Variants in FSTL5 observed in about 807,000 individuals in gnomAD.
FSTL5 encodes the protein follistatin like 5, also known as follistatin-related protein 5.
FSTL5 carries 62 observed loss-of-function variants against 89.1 expected under a neutral mutation model. The observed-to-expected ratio is 0.70, with a 90% CI of 0.57 to 0.86. The LOEUF is 0.86. Among genes scored for constraint, FSTL5 ranks in the 40% least tolerant of loss-of-function variants. The probability of loss-of-function intolerance (pLI) is 0.00; values close to 1 mark genes in which losing one functional copy is unlikely to be tolerated. For synonymous variants in FSTL5, 383 were observed against 346.2 expected (o/e 1.11, Z -1.18); for missense variants, 1,057 against 1,001.6 (o/e 1.06, Z -0.75).
chr4:161,503,565 C>G (rs563198547), intron 11 of FSTL5, among the ~76,000 whole-genome samples: 1 of 152,010 alleles, frequency 6.6e-6, no homozygotes, highest in East Asian at 1.9e-4. Context: ...AACAAATATT[C>G]TATTACATTA....
At chr4:161,474,310 A>C (rs1353212588) in intron 13 of FSTL5, among the ~76,000 whole-genome samples, 3 of 152,310 alleles carry the variant, frequency 2.0e-5, no homozygotes, top group Admixed American at 2.0e-4. Context: ...TAATTATTTT[A>C]AACGCATTAT....
intron 4 of FSTL5, among the ~76,000 whole-genome samples, chr4:161,887,583 A>T (rs17041718): frequency 0.011 from 1,687 of 152,186 alleles, 37 homozygotes; most frequent in African/African-American, 0.039. Flanking sequence ...CCTTAATGGT[A>T]CCTTTAGCAT....
At chr4:161,719,319 A>G (rs1739110302) in intron 6 of FSTL5, among the ~76,000 whole-genome samples, 1 of 152,148 alleles carries the variant, frequency 6.6e-6, no homozygotes, top group Admixed American at 6.5e-5. Context: ...GTTTATTCCA[A>G]GACTATACTG....
intron 5 of FSTL5, among the ~76,000 whole-genome samples, chr4:161,774,455 C>T (rs1400685402): frequency 6.6e-6 from 1 of 152,118 alleles, no homozygotes; most frequent in African/African-American, 2.4e-5. Context: ...CTAATACAAA[C>T]TTGAACATGG....
At chr4:162,125,305 C>T (rs1227698318) in intron 1 of FSTL5, among the ~76,000 whole-genome samples, 3 of 151,850 alleles carry the variant, frequency 2.0e-5, no homozygotes, top group Admixed American at 6.6e-5. Context: ...AGAAAAACTA[C>T]CTTTGCAGTT....
At chr4:161,448,652 G>A (rs1241872391) in intron 15 of FSTL5, among the ~76,000 whole-genome samples, 2 of 152,084 alleles carry the variant, frequency 1.3e-5, no homozygotes, top group South Asian at 2.1e-4. Context: ...AGCGGTGTCC[G>A]CTACTTACTC....
intron 6 of FSTL5, among the ~76,000 whole-genome samples, chr4:161,725,283 G>C (rs1460165384): frequency 6.6e-6 from 1 of 152,114 alleles, no homozygotes; most frequent in African/African-American, 2.4e-5. Context: ...AGGGATAAGG[G>C]CAAAACTCTT....
Position 161,386,027 on chromosome 4 carries a change from T to C in FSTL5, c.2264A>G (p.Asn755Ser). The change falls in exon 16 of 16, where the codon AAC becomes AGC. Residue 755 changes from asparagine to serine, a missense_variant. By Grantham distance (46) the Asn-to-Ser change is conservative. Transcript: ENST00000306100. ...QPSFTEAHQY[N>S]IYGSSSTQTD... is the part of the protein sequence containing the mutation. The stretch of plus-strand genomic sequence containing the variant: ...TTGTGTGCTTGAACTACCGTAGATG[T>C]TATATTGGTGGGCTTCAGTAAAGGA... The C allele has an allele frequency of 6.2e-7, 1 of 1,614,012 alleles. No homozygotes were observed.
At chr4:161,804,854 C>A (rs1350413262) in intron 4 of FSTL5, among the ~76,000 whole-genome samples, 1 of 151,908 alleles carries the variant, frequency 6.6e-6, no homozygotes, top group African/African-American at 2.4e-5. Flanking sequence ...CAATAAGATC[C>A]TTAAGGTCTG....
chr4:161,542,642 A>G lies in FSTL5; in HGVS notation c.1067T>C (p.Val356Ala). 6.4e-7 allele frequency: 1 copy of G among 1,559,118 alleles called. No individual in the cohort carries two copies. The highest frequency in any genetic ancestry group is 8.7e-7 in the Non-Finnish European group (1 of 1,148,910). ...TGCATGGCACCTAAGACTGGCAGTT[A>G]CCCCAGGCTCTCTAGCCTGACTCTC... ...YPESQAREPG[V>A]TASLRCHAEG... The change falls in exon 9 of 16, where the codon GTA becomes GCA. Residue 356 changes from valine (V) to alanine (A), a missense_variant. Around this residue, in one of 3 missense-constraint regions of FSTL5, gnomAD observed 980 missense variants for 903.2 expected, o/e 1.08. Transcript: ENST00000306100.
chr4:161,630,831 A>G (rs948813996), intron 7 of FSTL5, among the ~76,000 whole-genome samples: 12 of 152,294 alleles, frequency 7.9e-5, no homozygotes, highest in African/African-American at 2.4e-4. Context: ...ATTTACTTGT[A>G]TTTTGTGTCT....
At chr4:162,061,451 T>C (rs1170345008) in intron 2 of FSTL5, among the ~76,000 whole-genome samples, 2 of 152,034 alleles carry the variant, frequency 1.3e-5, no homozygotes, top group Non-Finnish European at 2.9e-5. Context: ...TTGGAAATGG[T>C]ATTAGGAGTA....
intron 10 of FSTL5, among the ~76,000 whole-genome samples, chr4:161,516,331 T>C (rs998132139): frequency 1.5e-4 from 22 of 148,918 alleles, no homozygotes; most frequent in Non-Finnish European, 2.7e-4. Flanking sequence ...TATAAACAGC[T>C]ACATATAATA....
intron 13 of FSTL5, among the ~76,000 whole-genome samples, chr4:161,473,839 T>C (rs1427255664): frequency 6.6e-6 from 1 of 152,196 alleles, no homozygotes; most frequent in Non-Finnish European, 1.5e-5. Context: ...TTCAGACTTT[T>C]AGTGTGATTT....
intron 1 of FSTL5, among the ~76,000 whole-genome samples, chr4:162,129,879 G>A (rs74355838): frequency 0.054 from 8,171 of 152,210 alleles, 474 homozygotes; most frequent in African/African-American, 0.14. Context: ...ATCAAAGAGA[G>A]GCATCATTTC....
intron 11 of FSTL5, among the ~76,000 whole-genome samples, chr4:161,505,270 T>C (rs1008090088): frequency 2.6e-5 from 4 of 152,194 alleles, no homozygotes; most frequent in African/African-American, 9.6e-5. Context: ...TCATTCACTA[T>C]ATCCTGACTT....
intron 3 of FSTL5, 150 bp from the exon 4 acceptor site, chr4:161,920,802 T>C: frequency 2.9e-6 from 2 of 685,796 alleles, no homozygotes; most frequent in South Asian, 2.0e-5. Flanking sequence ...CATGCTTATA[T>C]AAATAACTGC....
chr4:161,673,828 T>C (rs1737204865), intron 6 of FSTL5, among the ~76,000 whole-genome samples: 1 of 151,934 alleles, frequency 6.6e-6, no homozygotes, highest in Admixed American at 6.6e-5. Flanking sequence ...TTATTAGTAA[T>C]ACAAATGCTT....
chr4:161,599,789 GAAAT>G (rs1734160220), intron 7 of FSTL5, among the ~76,000 whole-genome samples: 2 of 151,692 alleles, frequency 1.3e-5, no homozygotes, highest in Admixed American at 6.6e-5. Context: ...TTTCTCTTTG[GAAAT>G]AAATATCCAT....
Sources: allele counts gnomAD v4.1 joint callset (sites outside exome capture counted in the v4.1 genomes callset), GRCh38; gene constraint gnomAD v4.1.1; regional missense constraint gnomAD v4.1.1; transcripts MANE v1.5; gene names NCBI Gene and HGNC (gene_info 2026-07-23, HGNC 2026-07-21).